The following TMC1 variants were observed in gnomAD, a reference collection of about 807,000 sequenced individuals.
TMC1 encodes the protein transmembrane channel-like protein 1.
Under a neutral mutation model 105.8 loss-of-function variants are expected in TMC1, and 84 were observed. The ratio of observed to expected loss-of-function variants is 0.79; its 90% CI spans 0.67 to 0.95. The LOEUF (loss-of-function observed/expected upper bound fraction) is 0.95, where lower values mean the gene tolerates loss of function less well. TMC1 is among the 40% of genes least tolerant of loss of function. TMC1 has a pLI of 0.00. For synonymous variants in TMC1, 315 were observed against 311.5 expected (o/e 1.01, Z -0.12); for missense variants, 817 against 914.1 (o/e 0.89, Z 1.37).
At chr9:72,699,149 A>G (rs562999599) in intron 7 of TMC1, among the ~76,000 whole-genome samples, 83 of 152,342 alleles carry the variant, frequency 5.4e-4, no homozygotes, top group Middle Eastern at 3.4e-3. Context: ...GCTGATCTCT[A>G]CAATGTGGTA....
At chr9:72,626,781 G>C (rs1284741004) in intron 3 of TMC1, among the ~76,000 whole-genome samples, 1 of 152,154 alleles carries the variant, frequency 6.6e-6, no homozygotes, top group Non-Finnish European at 1.5e-5. Flanking sequence ...ATGCAGTGGG[G>C]TAAGGAGGGG....
intron 21 of TMC1, among the ~76,000 whole-genome samples, chr9:72,829,428 C>T (rs1198044298): frequency 1.3e-5 from 2 of 152,150 alleles, no homozygotes. Flanking sequence ...CTTGAAAGGA[C>T]TTGTGAAATC....
chr9:72,788,241 C>A, intron 13 of TMC1, 98 bp from the exon 14 acceptor site: 1 of 1,268,120 alleles, frequency 7.9e-7, no homozygotes, highest in Non-Finnish European at 1.1e-6. Flanking sequence ...TGTCTTTTTG[C>A]TATTGCTTCT....
chr9:72,549,608 A>ATTT (rs71357585), intron 1 of TMC1, among the ~76,000 whole-genome samples: 2 of 120,836 alleles, frequency 1.7e-5, no homozygotes, highest in Non-Finnish European at 1.7e-5. Flanking sequence ...ACATCTGGCT[A>ATTT]TTTTTTTTTT....
At chr9:72,609,449 C>A (rs1279192260) in intron 2 of TMC1, among the ~76,000 whole-genome samples, 3 of 151,926 alleles carry the variant, frequency 2.0e-5, no homozygotes, top group African/African-American at 4.8e-5. Flanking sequence ...GTGAGGTGGG[C>A]GAATCACTTG....
chr9:72,623,087 C>T lies in TMC1; in HGVS notation c.-195-4834C>T, dbSNP rs577045391. ...ACAAACAAAAGAAAAACAACAACAA[C>T]AACAAAAGAAAAAACAAAAATGAAA... On this transcript the variant is annotated intron_variant, in intron 3 of 23. Transcript: ENST00000297784. Among the ~76,000 whole-genome samples the T allele has an allele frequency of 2.0e-5, 3 of 146,570 alleles. No homozygotes were observed. The South Asian group carries it at 6.5e-4, about 32-fold the overall frequency.
intron 1 of TMC1, among the ~76,000 whole-genome samples, chr9:72,555,423 G>A (rs900189480): frequency 6.6e-6 from 1 of 151,900 alleles, no homozygotes; most frequent in East Asian, 1.9e-4. Context: ...TCTTGACCTC[G>A]TGACCCTCCC....
At chr9:72,830,802 C>T in intron 23 of TMC1, 120 bp downstream of exon 23, 1 of 854,664 alleles carries the variant, frequency 1.2e-6, no homozygotes, top group Non-Finnish European at 1.8e-6. Context: ...GTGAGCGAGT[C>T]ATTCCACAAT....
At chr9:72,645,401 T>C (rs1261729105) in intron 4 of TMC1, among the ~76,000 whole-genome samples, 6 of 152,128 alleles carry the variant, frequency 3.9e-5, no homozygotes, top group African/African-American at 1.4e-4. Context: ...AAACATGGAT[T>C]ATCAGTATGA....
chr9:72,696,842 T>A (rs1236644726), intron 7 of TMC1, among the ~76,000 whole-genome samples: 1 of 152,156 alleles, frequency 6.6e-6, no homozygotes, highest in Non-Finnish European at 1.5e-5. Context: ...TTTAAATATA[T>A]CAAACTTAAG....
rs1823874251 is a variant in TMC1 at position 72,552,476 on chromosome 9, G to T, written c.-427-25426G>T. ...GAGCTGCTTATTGCCTGAAGTGGGGGTGGAGTGGGCTGCAAACACTGTTGT... is the reference window on the plus strand; with the variant it reads ...GAGCTGCTTATTGCCTGAAGTGGGGTTGGAGTGGGCTGCAAACACTGTTGT... On this transcript the variant is annotated intron_variant, in intron 1 of 23. Transcript: ENST00000297784. Among the ~76,000 whole-genome samples the T allele has an allele frequency of 2.6e-5, 4 of 152,278 alleles. No individual in the cohort carries two copies. In the Middle Eastern group the frequency reaches 0.01, roughly 388 times the overall value.
At chr9:72,639,073 AC>A (rs772057293) in intron 4 of TMC1, among the ~76,000 whole-genome samples, 1 of 152,070 alleles carries the variant, frequency 6.6e-6, no homozygotes, top group Non-Finnish European at 1.5e-5. Flanking sequence ...TTTTTAAAAA[AC>A]GTAAGTATGC....
At chr9:72,725,059 G>A (rs1827090775) in intron 8 of TMC1, among the ~76,000 whole-genome samples, 1 of 151,744 alleles carries the variant, frequency 6.6e-6, no homozygotes, top group African/African-American at 2.4e-5. Context: ...TCTCAGGTAA[G>A]GTACTTTTTG....
chr9:72,708,378 A>G (rs1043502289), intron 8 of TMC1, among the ~76,000 whole-genome samples: 4 of 152,124 alleles, frequency 2.6e-5, no homozygotes, highest in Non-Finnish European at 4.4e-5. Flanking sequence ...CACAATAGTG[A>G]TTCTACCCAA....
chr9:72,773,501 C>G (rs1189589108), intron 13 of TMC1, among the ~76,000 whole-genome samples: 1 of 152,124 alleles, frequency 6.6e-6, no homozygotes, highest in Non-Finnish European at 1.5e-5. Flanking sequence ...CATTTTTAAG[C>G]TCTTTTAGGA....
At chr9:72,676,011 C>G (rs373618716) in intron 5 of TMC1, among the ~76,000 whole-genome samples, 1 of 152,062 alleles carries the variant, frequency 6.6e-6, no homozygotes, top group African/African-American at 2.4e-5. Flanking sequence ...GTTTATTGAT[C>G]AATCTGAGCA....
chr9:72,724,980 C>T (rs1827089370), intron 8 of TMC1, among the ~76,000 whole-genome samples: 1 of 151,892 alleles, frequency 6.6e-6, no homozygotes, highest in Non-Finnish European at 1.5e-5. Flanking sequence ...CAAATATGCA[C>T]CTAATAAGCA....
intron 8 of TMC1, among the ~76,000 whole-genome samples, chr9:72,726,898 GC>G (rs1346460248): frequency 6.6e-6 from 1 of 152,178 alleles, no homozygotes; most frequent in Non-Finnish European, 1.5e-5. Context: ...AATGCAGGAT[GC>G]TTCTTCTCAC....
At chr9:72,754,656 C>A in intron 11 of TMC1, 130 bp from the exon 12 acceptor site, 1 of 727,852 alleles carries the variant, frequency 1.4e-6, no homozygotes, top group Non-Finnish European at 2.5e-6. Flanking sequence ...AAATGGGACC[C>A]CACATGGAGA....
Sources: gnomAD v4.1 joint callset for allele counts (sites outside exome capture counted in the v4.1 genomes callset) on GRCh38, gnomAD v4.1.1 for gene constraint, MANE v1.5 for transcripts, NCBI Gene and HGNC (gene_info 2026-07-23, HGNC 2026-07-21) for gene names.